CXorf38: variants seen among roughly 807,000 people sequenced by gnomAD.
CXorf38 encodes the protein uncharacterized protein CXorf38.
CXorf38 carries 13 observed loss-of-function variants against 27.5 expected under a neutral mutation model. The ratio of observed to expected loss-of-function variants is 0.47; its 90% confidence interval spans 0.31 to 0.75. The LOEUF is 0.75. Ranked by LOEUF, CXorf38 falls within the 30% of genes least tolerant of loss-of-function variation. The pLI, the probability that CXorf38 is intolerant of heterozygous loss-of-function variation, is 0.05. For missense variants in CXorf38, 240 were observed against 253.2 expected, an observed-to-expected ratio of 0.95 and a Z score of 0.35; for synonymous variants, 100 against 99.8, an observed-to-expected ratio of 1.00 and a Z score of -0.01.
intron 2 of CXorf38, among the ~76,000 whole-genome samples, chrX:40,644,884 G>C (rs1386940993): frequency 8.9e-6 from 1 of 111,904 alleles, no homozygotes; most frequent in African/African-American, 3.3e-5. Flanking sequence ...CAGACCGCTG[G>C]GGCTCATGAT....
rs1372617579 is a variant in CXorf38 at position 40,627,265 on chromosome X, A to G, written c.*2899T>C. On this transcript the variant is annotated 3_prime_UTR_variant, in exon 7 of 7. Transcript: ENST00000327877. ...GAATGCAGTGGTGTGATCTCGGCTC[A>G]CTGCAACCTCCACCTCCCCAGTTCA... 4.8e-5 allele frequency: 5 copies of G among 104,061 alleles called. No homozygotes were observed. The highest frequency in any genetic ancestry group is 1.8e-4 in the African/African-American group (5 of 28,137). 8.6% of individuals were successfully genotyped at this position (104,061 alleles called of 1,213,427 possible). A position where few individuals can be genotyped will look rare whatever the true frequency, so the allele number is the denominator to read the frequency against.
rs779984229 is a variant in CXorf38, at chrX:40,647,551, G to A, written c.-31C>T. The A allele has an allele frequency of 4.3e-6, 5 of 1,171,568 alleles. No individual in the cohort carries two copies. Among genetic ancestry groups the A allele is most frequent in the Middle Eastern group, 2.4e-4 (1 of 4,232 alleles). On this transcript the variant is annotated 5_prime_UTR_variant, in exon 1 of 7. Transcript: ENST00000327877. ...CCACTTGGAACCAGGAGGTTGCGGG[G>A]CGTGGCGGACGGCAGTGCGCAGGCG...
rs773594999 is a variant in CXorf38, at chrX:40,633,356, T to A, written c.802-2583A>T. On this transcript the variant is annotated intron_variant, in intron 5 of 6. Coordinates refer to ENST00000327877, the MANE Select transcript of CXorf38 (RefSeq NM_144970.3). ...CACGCATGGCTAATCCTCACCTCCTTCAAGGTACTGTTAAGTCTCACCTTC... is the reference window on the plus strand; with the variant it reads ...CACGCATGGCTAATCCTCACCTCCTACAAGGTACTGTTAAGTCTCACCTTC... Among the ~76,000 whole-genome samples, 14 of 110,829 alleles carry A rather than the reference T, an allele frequency of 1.3e-4. No homozygotes were observed. In the East Asian group the frequency reaches 2.3e-3, roughly 18 times the overall value.
At chrX:40,645,447 G>A (rs1252527140) in intron 2 of CXorf38, among the ~76,000 whole-genome samples, 1 of 111,531 alleles carries the variant, frequency 9.0e-6, no homozygotes, top group Admixed American at 9.5e-5. Flanking sequence ...CCAAACAGAT[G>A]AGGGACAGGC....
intron 3 of CXorf38, among the ~76,000 whole-genome samples, chrX:40,638,415 G>A (rs1787384144): frequency 9.0e-6 from 1 of 111,245 alleles, no homozygotes; most frequent in Admixed American, 9.6e-5. Flanking sequence ...TGACCTTCAG[G>A]GTAATAAATG....
intron 2 of CXorf38, among the ~76,000 whole-genome samples, chrX:40,643,510 CTTTT>C (rs1456359294): frequency 3.6e-5 from 4 of 110,135 alleles, no homozygotes; most frequent in African/African-American, 6.6e-5. Context: ...TCTTTTCTTT[CTTTT>C]CTTTTTTTTT....
chrX:40,643,950 T>C (rs915713010), intron 2 of CXorf38, among the ~76,000 whole-genome samples: 4 of 112,965 alleles, frequency 3.5e-5, no homozygotes, highest in African/African-American at 1.3e-4. Flanking sequence ...TAGTACTTAA[T>C]TCCTTTGTTA....
At position 40,637,156 on chromosome X, in the gene CXorf38, C is replaced by A; in HGVS notation, c.472G>T (p.Val158Leu). 8.7e-7 allele frequency: 1 copy of A among 1,143,402 alleles called. No homozygotes were observed. Among genetic ancestry groups the A allele is most frequent in the Non-Finnish European group, 1.2e-6 (1 of 857,709 alleles). The allele number at this position is 1,143,402 out of a possible 1,213,427, so 94.2% of individuals were successfully genotyped here. A position where few individuals can be genotyped will look rare whatever the true frequency, so the allele number is the denominator to read the frequency against. Residue 158 changes from valine to leucine, a missense_variant and splice_region_variant, in exon 4 of 7, where the codon GTA (valine) becomes TTA (leucine). Transcript: ENST00000327877. ...FVVDRKKVTE[V>L]IKCRNEIMHS... ...ATGATCTCATTACGACATTTAATTA[C>A]CTGCAGAAAGACAAAAAGATAAAAG...
At position 40,629,148 on chromosome X, in the gene CXorf38, G is replaced by T. The variant is rs937567742; in HGVS notation, c.*1016C>A. 9.1e-6 allele frequency: 1 copy of T among 110,032 alleles called. No homozygotes were observed. Among genetic ancestry groups the T allele is most frequent in the African/African-American group, 3.3e-5 (1 of 30,086 alleles). The allele number at this position is 110,032 out of a possible 1,213,427, so 9.1% of individuals were successfully genotyped here. On this transcript the variant is annotated 3_prime_UTR_variant, in exon 7 of 7. Transcript: ENST00000327877. ...TCCCACCTCAGCCACCTGAGTAGCT[G>T]AGAATAAAGGTGTGTGCCACCATGC...
chrX:40,631,250 TATATACACACAC>T (rs1394165538), intron 5 of CXorf38, among the ~76,000 whole-genome samples: 13 of 37,277 alleles, frequency 3.5e-4, no homozygotes, highest in African/African-American at 1.3e-3. Context: ...TATGTATATA[TATATACACACAC>T]ACACACACAC....
intron 2 of CXorf38, among the ~76,000 whole-genome samples, chrX:40,643,675 A>AT (rs1335952397): frequency 9.1e-6 from 1 of 110,053 alleles, no homozygotes; most frequent in Non-Finnish European, 1.9e-5. Context: ...TGCCTGGCTA[A>AT]TTTTTTGTAT....
At chrX:40,631,545 A>G (rs931999016) in intron 5 of CXorf38, among the ~76,000 whole-genome samples, 3 of 111,283 alleles carry the variant, frequency 2.7e-5, no homozygotes, top group Non-Finnish European at 5.7e-5. Flanking sequence ...ACCTCAGGTG[A>G]TTCGCCCGCC....
At chrX:40,646,478 C>G (rs4072310) in intron 2 of CXorf38, among the ~76,000 whole-genome samples, 1,690 of 111,824 alleles carry the variant, frequency 0.015, 31 homozygotes, top group African/African-American at 0.052. Context: ...CCTACTCGAT[C>G]TACTTAGTAA....
At chrX:40,631,883 G>C (rs1004352680) in intron 5 of CXorf38, among the ~76,000 whole-genome samples, 3 of 111,492 alleles carry the variant, frequency 2.7e-5, no homozygotes, top group Non-Finnish European at 5.7e-5. Context: ...GGGGAGCGGG[G>C]AGGGACAGGG....
At chrX:40,638,736 T>C (rs867147745) in intron 3 of CXorf38, among the ~76,000 whole-genome samples, 5 of 112,129 alleles carry the variant, frequency 4.5e-5, no homozygotes, top group Middle Eastern at 9.1e-3. Context: ...GCACAATGAG[T>C]TGTTAGGAAA....
intron 5 of CXorf38, among the ~76,000 whole-genome samples, chrX:40,632,442 C>G (rs1385508878): frequency 8.9e-6 from 1 of 111,957 alleles, no homozygotes; most frequent in East Asian, 2.8e-4. Context: ...TTATCTTCAA[C>G]AGGAGTGTCC....
intron 5 of CXorf38, among the ~76,000 whole-genome samples, chrX:40,631,604 C>T (rs986868374): frequency 4.5e-5 from 5 of 111,610 alleles, no homozygotes; most frequent in Non-Finnish European, 9.4e-5. Context: ...CTGTGCCCAG[C>T]GATGAATGCT....
intron 5 of CXorf38, among the ~76,000 whole-genome samples, chrX:40,634,223 C>T (rs952332933): frequency 2.7e-5 from 3 of 111,302 alleles, no homozygotes; most frequent in Admixed American, 1.9e-4. Context: ...CTAACCCTAC[C>T]CCTACATTTT....
intron 2 of CXorf38, among the ~76,000 whole-genome samples, chrX:40,641,456 C>T (rs1928321711): frequency 1.8e-5 from 2 of 111,799 alleles, no homozygotes; most frequent in Non-Finnish European, 3.8e-5. Flanking sequence ...GGCACAATCA[C>T]AGCTCACTGC....
Sources: gnomAD v4.1 joint callset for allele counts (sites outside exome capture counted in the v4.1 genomes callset) on GRCh38, gnomAD v4.1.1 for gene constraint, MANE v1.5 for transcripts, NCBI Gene and HGNC (gene_info 2026-07-23, HGNC 2026-07-21) for gene names.